The following SOX5 variants were observed in gnomAD, a reference collection of about 807,000 sequenced individuals.
The protein encoded by SOX5 is transcription factor SOX-5.
SOX5 carries 9 observed loss-of-function variants against 92.0 expected under a neutral mutation model. The observed-to-expected ratio is 0.10, with a 90% confidence interval of 0.06 to 0.17. The LOEUF (loss-of-function observed/expected upper bound fraction) is 0.17, where lower values mean the gene tolerates loss of function less well. Among genes scored for constraint, SOX5 ranks in the 10% least tolerant of loss-of-function variants. The probability of loss-of-function intolerance (pLI) is 1.00; values close to 1 mark genes in which losing one functional copy is unlikely to be tolerated. For missense variants in SOX5, 642 were observed against 944.5 expected (o/e 0.68, Z 4.20); for synonymous variants, 344 against 336.3 (o/e 1.02, Z -0.25).
At chr12:23,535,571 C>A (rs1940198788) in intron 14 of SOX5, among the ~76,000 whole-genome samples, 1 of 152,150 alleles carries the variant, frequency 6.6e-6, no homozygotes, top group Non-Finnish European at 1.5e-5. Context: ...TGTTTTTATT[C>A]ATTCGTATGT....
intron 3 of SOX5, among the ~76,000 whole-genome samples, chr12:24,220,968 T>G (rs1960267785): frequency 6.6e-6 from 1 of 152,204 alleles, no homozygotes; most frequent in African/African-American, 2.4e-5. Flanking sequence ...GTTTTTGATT[T>G]CACAACTACC....
chr12:24,511,355 A>C (rs1949285866), intron 1 of SOX5, among the ~76,000 whole-genome samples: 1 of 152,222 alleles, frequency 6.6e-6, no homozygotes, highest in Non-Finnish European at 1.5e-5. Context: ...TGTCACTACA[A>C]TACCCAATGT....
chr12:23,875,155 C>T (rs1019361265), intron 2 of SOX5, among the ~76,000 whole-genome samples: 1 of 152,090 alleles, frequency 6.6e-6, no homozygotes, highest in African/African-American at 2.4e-5. Flanking sequence ...TTTTACTCCT[C>T]TGTGGAAGTA....
At chr12:23,701,566 T>C (rs1361072820) in intron 6 of SOX5, among the ~76,000 whole-genome samples, 1 of 152,154 alleles carries the variant, frequency 6.6e-6, no homozygotes, top group Non-Finnish European at 1.5e-5. Flanking sequence ...TGAGTAAGTA[T>C]TTAGAACTAT....
intron 1 of SOX5, among the ~76,000 whole-genome samples, chr12:24,382,620 G>A (rs189312514): frequency 1.3e-5 from 2 of 152,294 alleles, no homozygotes; most frequent in African/African-American, 2.4e-5. Flanking sequence ...GCCACGATTT[G>A]TGAGAAGACT....
At chr12:23,612,609 T>G (rs1269388700) in intron 8 of SOX5, among the ~76,000 whole-genome samples, 5 of 152,124 alleles carry the variant, frequency 3.3e-5, no homozygotes, top group African/African-American at 4.8e-5. Flanking sequence ...CAAGAACAAT[T>G]AACATATATG....
chr12:24,245,235 T>TTGTG (rs58384963), intron 3 of SOX5, among the ~76,000 whole-genome samples: 19,873 of 144,176 alleles, frequency 0.14, 1,438 homozygotes, highest in Admixed American at 0.18. Context: ...TTGGAGAGAT[T>TTGTG]TGTGTGTGTG....
chr12:23,895,146 T>C (rs1427075064), intron 2 of SOX5, among the ~76,000 whole-genome samples: 1 of 142,638 alleles, frequency 7.0e-6, no homozygotes, highest in African/African-American at 2.6e-5. Context: ...TCTACAGTGA[T>C]CCAGACCCTA....
chr12:23,649,370 T>G (rs959735949), intron 7 of SOX5, among the ~76,000 whole-genome samples: 1 of 152,122 alleles, frequency 6.6e-6, no homozygotes, highest in Admixed American at 6.6e-5. Context: ...TACAACAGAT[T>G]TATTTTGTAA....
At chr12:23,882,978 G>C (rs924635915) in intron 2 of SOX5, among the ~76,000 whole-genome samples, 1 of 152,002 alleles carries the variant, frequency 6.6e-6, no homozygotes, top group Non-Finnish European at 1.5e-5. Context: ...TCAGGAGATC[G>C]AGACCATCCT....
At position 23,703,394 on chromosome 12, in the gene SOX5, T is replaced by C. The variant is rs138663346; in HGVS notation, c.810+31290A>G. Among the ~76,000 whole-genome samples, 695 of 152,104 alleles carry C rather than the reference T, an allele frequency of 4.6e-3. 9 individuals are homozygous for C. The highest frequency in any genetic ancestry group is 5.7e-3 in the Non-Finnish European group (388 of 67,932). On this transcript the variant is annotated intron_variant, in intron 6 of 14. Transcript: ENST00000451604. ...AGAGTCTTTCTGACCTGTTGTCACA[T>C]AAGAACAATACTTTCTTGGAAACAT...
chr12:23,582,046 T>C, intron 9 of SOX5: 1 of 552,398 alleles, frequency 1.8e-6, no homozygotes, highest in Non-Finnish European at 2.3e-6. Context: ...ATGAAACATG[T>C]TGCAAAATTA....
chr12:24,256,463 C>T (rs536602854), intron 3 of SOX5, among the ~76,000 whole-genome samples: 3 of 152,292 alleles, frequency 2.0e-5, no homozygotes, highest in African/African-American at 4.8e-5. Flanking sequence ...CCCACTTCTG[C>T]GACCGCCTTT....
chr12:24,329,360 G>A (rs1232384799), intron 2 of SOX5, among the ~76,000 whole-genome samples: 1 of 152,180 alleles, frequency 6.6e-6, no homozygotes, highest in Non-Finnish European at 1.5e-5. Flanking sequence ...GCAGGCGAGA[G>A]AGAAGAGTGT....
At chr12:23,580,077 A>C (rs1357690127) in intron 9 of SOX5, among the ~76,000 whole-genome samples, 1 of 152,096 alleles carries the variant, frequency 6.6e-6, no homozygotes, top group Non-Finnish European at 1.5e-5. Flanking sequence ...GTGTAAGCTA[A>C]ACAAATTTTA....
intron 3 of SOX5, among the ~76,000 whole-genome samples, chr12:23,821,962 T>A (rs1594779941): frequency 6.6e-6 from 1 of 152,110 alleles, no homozygotes; most frequent in East Asian, 1.9e-4. Flanking sequence ...TTCTGTGGGA[T>A]CAGTGGTGAT....
intron 3 of SOX5, among the ~76,000 whole-genome samples, chr12:24,263,503 G>A (rs1192903454): frequency 8.1e-5 from 11 of 135,346 alleles, no homozygotes; most frequent in East Asian, 2.2e-4. Flanking sequence ...ACTCCAGCCT[G>A]GGCGACAGAG....
intron 1 of SOX5, among the ~76,000 whole-genome samples, chr12:24,437,273 G>C (rs1939627003): frequency 6.6e-6 from 1 of 152,054 alleles, no homozygotes; most frequent in South Asian, 2.1e-4. Context: ...GCCATATGCA[G>C]AAAACTGAAA....
intron 2 of SOX5, among the ~76,000 whole-genome samples, chr12:24,352,877 G>T (rs1464709725): frequency 1.3e-5 from 2 of 152,106 alleles, no homozygotes; most frequent in Non-Finnish European, 2.9e-5. Flanking sequence ...ACAGACTATG[G>T]AATAAGTGTG....
Sources: gnomAD v4.1 joint callset for allele counts (sites outside exome capture counted in the v4.1 genomes callset) on GRCh38, gnomAD v4.1.1 for gene constraint, MANE v1.5 for transcripts, NCBI Gene and HGNC (gene_info 2026-07-23, HGNC 2026-07-21) for gene names.